Variants in NMNAT2 observed in about 807,000 individuals in gnomAD.
The protein encoded by NMNAT2 is nicotinamide nucleotide adenylyltransferase 2, also known as nicotinamide/nicotinic acid mononucleotide adenylyltransferase 2.
Under a neutral mutation model 41.6 loss-of-function variants are expected in NMNAT2, and 11 were observed. The ratio of observed to expected loss-of-function variants is 0.26; its 90% CI spans 0.17 to 0.44. NMNAT2 has a LOEUF of 0.44. Ranked by LOEUF, NMNAT2 falls within the 20% of genes least tolerant of loss-of-function variation. The pLI is 1.00. For synonymous variants in NMNAT2, 148 were observed against 151.2 expected (o/e 0.98, Z 0.16); for missense variants, 288 against 407.7 (o/e 0.71, Z 2.53).
rs150873651 is a variant in NMNAT2 at position 183,363,399 on chromosome 1, T to C, written c.85+54784A>G. ...ACAGTTTGGGGCACCCAATAGACAC[T>C]TGACATTTTGTTAGACCCTCTCATC... On this transcript the variant is annotated intron_variant, in intron 1 of 10. Coordinates refer to ENST00000287713, the MANE Select transcript of NMNAT2 (RefSeq NM_015039.4). Among the ~76,000 whole-genome samples the C allele has an allele frequency of 1.4e-3, 214 of 152,342 alleles. 1 individual carries two copies. Among genetic ancestry groups the C allele is most frequent in the Middle Eastern group, 3.4e-3 (1 of 294 alleles).
At chr1:183,332,844 C>A (rs1338915874) in intron 1 of NMNAT2, among the ~76,000 whole-genome samples, 1 of 152,190 alleles carries the variant, frequency 6.6e-6, no homozygotes, top group African/African-American at 2.4e-5. Flanking sequence ...GGTGCACTGC[C>A]CTCTCACCCT....
intron 10 of NMNAT2, among the ~76,000 whole-genome samples, chr1:183,253,750 A>G (rs1355984072): frequency 6.6e-6 from 1 of 152,004 alleles, no homozygotes; most frequent in Non-Finnish European, 1.5e-5. Flanking sequence ...TTTATTCTCT[A>G]TCTGTGTATT....
chr1:183,259,137 C>G (rs1021617478), intron 10 of NMNAT2, among the ~76,000 whole-genome samples: 2 of 152,126 alleles, frequency 1.3e-5, no homozygotes, highest in African/African-American at 4.8e-5. Context: ...GTGTGTATAC[C>G]TGTGGCTCTG....
chr1:183,259,661 G>A (rs577882071), intron 10 of NMNAT2, among the ~76,000 whole-genome samples: 10 of 152,182 alleles, frequency 6.6e-5, no homozygotes, highest in Non-Finnish European at 7.4e-5. Flanking sequence ...GTGCAGTGGC[G>A]CGATCTCGGC....
intron 1 of NMNAT2, among the ~76,000 whole-genome samples, chr1:183,384,170 G>C (rs1442145601): frequency 1.3e-5 from 2 of 152,088 alleles, no homozygotes; most frequent in East Asian, 1.9e-4. Context: ...GGAGCAGAAG[G>C]AAGATAGTGA....
At chr1:183,361,079 A>G (rs1663297528) in intron 1 of NMNAT2, among the ~76,000 whole-genome samples, 1 of 152,334 alleles carries the variant, frequency 6.6e-6, no homozygotes, top group South Asian at 2.1e-4. Flanking sequence ...ATAAGAAGCT[A>G]TAATAAAATT....
chr1:183,304,225 G>T lies in NMNAT2; in HGVS notation c.86-10432C>A, dbSNP rs143295167. Among the ~76,000 whole-genome samples, 25 of 152,322 alleles carry T rather than the reference G, an allele frequency of 1.6e-4. No homozygotes were observed. In the East Asian group the frequency reaches 4.2e-3, roughly 26 times the overall value. ...GAAGACATTTTTGGAAAAGCGTGCAGCACGTACAAAGGCATGAAGATATGA... is the reference window on the plus strand; with the variant it reads ...GAAGACATTTTTGGAAAAGCGTGCATCACGTACAAAGGCATGAAGATATGA... On this transcript the variant is annotated intron_variant, in intron 1 of 10. Coordinates refer to ENST00000287713, the MANE Select transcript of NMNAT2 (RefSeq NM_015039.4).
At chr1:183,253,904 CGT>C (rs139756017) in intron 10 of NMNAT2, among the ~76,000 whole-genome samples, 24,785 of 143,998 alleles carry the variant, frequency 0.17, 1,918 homozygotes, top group East Asian at 0.22. Flanking sequence ...GTTCCACTTC[CGT>C]GTGTGTGTGT....
chr1:183,293,085 C>T (rs1661586228), intron 2 of NMNAT2, among the ~76,000 whole-genome samples: 3 of 152,168 alleles, frequency 2.0e-5, no homozygotes, highest in Non-Finnish European at 4.4e-5. Flanking sequence ...CCAACAAGGT[C>T]GATAGATGAG....
chr1:183,289,999 A>G (rs757573046), intron 4 of NMNAT2, 129 bp downstream of exon 4: 173 of 664,460 alleles, frequency 2.6e-4, no homozygotes, highest in Non-Finnish European at 4.2e-4. Flanking sequence ...CGGCAGAGAA[A>G]TAAGAGGCTG....
intron 1 of NMNAT2, among the ~76,000 whole-genome samples, chr1:183,332,853 C>T (rs1387995677): frequency 6.6e-6 from 1 of 152,238 alleles, no homozygotes; most frequent in Non-Finnish European, 1.5e-5. Context: ...CCCTCTCACC[C>T]TCCCCTGCTG....
intron 1 of NMNAT2, among the ~76,000 whole-genome samples, chr1:183,411,066 C>T (rs2101931929): frequency 6.6e-6 from 1 of 152,270 alleles, no homozygotes; most frequent in East Asian, 1.9e-4. Flanking sequence ...AACTTTCAAG[C>T]TCAAACTCTC....
At position 183,305,716 on chromosome 1, in the gene NMNAT2, C is replaced by CTTTT. The variant is rs5741563; in HGVS notation, c.86-11927_86-11924dup. On this transcript the variant is annotated intron_variant, in intron 1 of 10. Transcript: ENST00000287713. ...TTGGAAAAACAGTTTCCTTTACAGC[C>CTTTT]TTTTTTTTTTTTTTTTTTTTAAAGA... Among the ~76,000 whole-genome samples the CTTTT allele has an allele frequency of 2.4e-3, 293 of 123,132 alleles. 3 individuals carry two copies. Among genetic ancestry groups the CTTTT allele is most frequent in the East Asian group, 8.3e-3 (35 of 4,192 alleles). The allele number at this position is 123,132 out of a possible 152,430, so 80.8% of individuals were successfully genotyped here. A position where few individuals can be genotyped will look rare whatever the true frequency, so the allele number is the denominator to read the frequency against.
At chr1:183,407,383 T>G (rs912914154) in intron 1 of NMNAT2, among the ~76,000 whole-genome samples, 3 of 152,196 alleles carry the variant, frequency 2.0e-5, no homozygotes, top group Non-Finnish European at 4.4e-5. Context: ...TCTGTCCTGT[T>G]TTTTTTGGTT....
intron 1 of NMNAT2, among the ~76,000 whole-genome samples, chr1:183,309,792 G>C (rs1662068040): frequency 6.6e-6 from 1 of 152,204 alleles, no homozygotes; most frequent in Non-Finnish European, 1.5e-5. Context: ...AAATTCATAA[G>C]CAAGGATAAG....
chr1:183,375,362 T>A (rs1663653191), intron 1 of NMNAT2, among the ~76,000 whole-genome samples: 1 of 152,184 alleles, frequency 6.6e-6, no homozygotes, highest in African/African-American at 2.4e-5. Flanking sequence ...CATCTTCTAC[T>A]CCACTGTCCC....
chr1:183,292,665 A>G (rs1301087617), intron 3 of NMNAT2, 125 bp downstream of exon 3: 3 of 832,564 alleles, frequency 3.6e-6, no homozygotes, highest in Non-Finnish European at 4.0e-6. Flanking sequence ...CACAAGGCTA[A>G]TATCTTGCCC....
chr1:183,267,160 G>A (rs935672111), intron 8 of NMNAT2: 1 of 153,438 alleles, frequency 6.5e-6, no homozygotes, highest in African/African-American at 2.4e-5. Flanking sequence ...GTGGGATAGG[G>A]ATGGGGAGAG....
chr1:183,254,872 T>A (rs1017067134), intron 10 of NMNAT2, among the ~76,000 whole-genome samples: 10 of 152,258 alleles, frequency 6.6e-5, no homozygotes, highest in African/African-American at 2.4e-4. Flanking sequence ...AGGTTGCCTT[T>A]TCATTTTGTT....
Sources: allele counts gnomAD v4.1 joint callset (sites outside exome capture counted in the v4.1 genomes callset), GRCh38; gene constraint gnomAD v4.1.1; transcripts MANE v1.5; gene names NCBI Gene and HGNC (gene_info 2026-07-23, HGNC 2026-07-21).